The following SNX4 variants were observed in gnomAD, a reference collection of about 807,000 sequenced individuals.
The protein encoded by SNX4 is sorting nexin 4.
SNX4 carries 49 observed loss-of-function variants against 70.8 expected under a neutral mutation model. The observed-to-expected ratio is 0.69, with a 90% confidence interval of 0.55 to 0.88. SNX4 has a LOEUF of 0.88. SNX4 is among the 40% of genes least tolerant of loss of function. The pLI is 0.00. For missense variants in SNX4, 528 were observed against 544.8 expected (o/e 0.97, Z 0.31); for synonymous variants, 206 against 183.8 (o/e 1.12, Z -0.98).
At chr3:125,458,965 G>C (rs755987341) in intron 10 of SNX4, among the ~76,000 whole-genome samples, 1 of 151,978 alleles carries the variant, frequency 6.6e-6, no homozygotes, top group African/African-American at 2.4e-5. Context: ...CCTGAGGTCA[G>C]GAGTTCAAGA....
At chr3:125,464,049 A>G (rs945541256) in intron 9 of SNX4, among the ~76,000 whole-genome samples, 21 of 152,208 alleles carry the variant, frequency 1.4e-4, no homozygotes, top group African/African-American at 5.1e-4. Context: ...ATCAATTTAT[A>G]TTAAAATTTT....
At chr3:125,498,382 C>T (rs1044445913) in intron 2 of SNX4, among the ~76,000 whole-genome samples, 188 bp from the exon 3 acceptor site, 2 of 152,234 alleles carry the variant, frequency 1.3e-5, no homozygotes, top group Admixed American at 6.5e-5. Flanking sequence ...TGCAGTGGTG[C>T]AATCACCACT....
chr3:125,488,340 T>A (rs976727759), intron 6 of SNX4, among the ~76,000 whole-genome samples: 1 of 152,030 alleles, frequency 6.6e-6, no homozygotes, highest in Middle Eastern at 3.4e-3. Context: ...CTGGGCGTTG[T>A]AGGGGGTGCC....
At chr3:125,488,980 T>C (rs947261870) in intron 6 of SNX4, among the ~76,000 whole-genome samples, 1 of 152,192 alleles carries the variant, frequency 6.6e-6, no homozygotes, top group Non-Finnish European at 1.5e-5. Context: ...CTGATATTAA[T>C]AAAATCAAGT....
At position 125,447,785 on chromosome 3, in the gene SNX4, C is replaced by G; in HGVS notation, c.1347G>C (p.Lys449Asn). 6.3e-7 allele frequency: 1 copy of G among 1,591,966 alleles called. No homozygotes were observed. The highest frequency in any genetic ancestry group is 8.5e-7 in the Non-Finnish European group (1 of 1,171,024). The change falls in exon 14 of 14, where the codon AAG becomes AAC. Residue 449 changes from lysine to asparagine, a missense_variant. Lys to Asn is a moderately conservative substitution (Grantham distance 94, BLOSUM62 0). Coordinates refer to ENST00000251775, the MANE Select transcript of SNX4 (RefSeq NM_003794.4). ...VWTNAKECFS[K>N]M ...AGAAATTCAATTCACAGGATTACATCTTGCTAAAGCATTCCTTAGCATTGG... is the reference window on the plus strand; with the variant it reads ...AGAAATTCAATTCACAGGATTACATGTTGCTAAAGCATTCCTTAGCATTGG...
At chr3:125,452,458 G>A (rs1197948036) in intron 12 of SNX4, among the ~76,000 whole-genome samples, 2 of 152,044 alleles carry the variant, frequency 1.3e-5, no homozygotes, top group Admixed American at 6.6e-5. Flanking sequence ...CTTGGTAGCC[G>A]GTAGTCCCAG....
At chr3:125,459,447 T>C (rs1251641502) in intron 10 of SNX4, among the ~76,000 whole-genome samples, 1 of 152,116 alleles carries the variant, frequency 6.6e-6, no homozygotes, top group African/African-American at 2.4e-5. Context: ...TCAGCAACTT[T>C]CTTTTTTGAG....
intron 2 of SNX4, among the ~76,000 whole-genome samples, chr3:125,500,160 C>T (rs1019173752): frequency 1.3e-5 from 2 of 151,866 alleles, no homozygotes; most frequent in Non-Finnish European, 2.9e-5. Context: ...TTTCATTAGA[C>T]CCCAAAACTA....
chr3:125,519,727 G>A (rs1023884838), intron 1 of SNX4, among the ~76,000 whole-genome samples: 2 of 151,900 alleles, frequency 1.3e-5, no homozygotes, highest in Non-Finnish European at 2.9e-5. Context: ...CCCATCCGGG[G>A]CCCAGACCCC....
At chr3:125,480,774 C>T (rs1481357821) in intron 6 of SNX4, among the ~76,000 whole-genome samples, 2 of 152,144 alleles carry the variant, frequency 1.3e-5, no homozygotes, top group East Asian at 3.8e-4. Flanking sequence ...CTCCAAACAA[C>T]CAAGCTTCAC....
At chr3:125,508,409 T>C (rs898323489) in intron 1 of SNX4, among the ~76,000 whole-genome samples, 1 of 151,800 alleles carries the variant, frequency 6.6e-6, no homozygotes, top group Non-Finnish European at 1.5e-5. Context: ...CTACTAAAAA[T>C]ACACAAAATT....
intron 5 of SNX4, among the ~76,000 whole-genome samples, chr3:125,494,926 C>T (rs950910252): frequency 1.3e-5 from 2 of 152,130 alleles, no homozygotes; most frequent in African/African-American, 4.8e-5. Context: ...ACTGCTACCT[C>T]CTTTTCCGCT....
intron 2 of SNX4, among the ~76,000 whole-genome samples, chr3:125,499,644 T>C (rs1934880722): frequency 6.6e-6 from 1 of 151,682 alleles, no homozygotes; most frequent in Non-Finnish European, 1.5e-5. Flanking sequence ...TGGGTTAATC[T>C]CAAGTTTCAA....
chr3:125,446,943 A>G lies in SNX4; in HGVS notation c.*836T>C, dbSNP rs924843083. 1.3e-5 allele frequency: 2 copies of G among 152,640 alleles called. No individual in the cohort carries two copies. 9.5% of individuals were successfully genotyped at this position (152,640 alleles called of 1,614,324 possible). A position where few individuals can be genotyped will look rare whatever the true frequency, so the allele number is the denominator to read the frequency against. On this transcript the variant is annotated 3_prime_UTR_variant, in exon 14 of 14. Transcript: ENST00000251775. ...ATGTTAATGATGAAGATAGCAACAC[A>G]TATGTTTAGTACATATATCTTACAC...
intron 11 of SNX4, among the ~76,000 whole-genome samples, chr3:125,456,786 G>A (rs937543714): frequency 5.3e-5 from 8 of 152,006 alleles, no homozygotes; most frequent in African/African-American, 9.7e-5. Context: ...TCACCTTCCC[G>A]AGTAGCTGGG....
In SNX4 at chr3:125,450,617, G is replaced by C. The variant is rs944905862; in HGVS notation, c.1305+688C>G. On this transcript the variant is annotated intron_variant, in intron 13 of 13. Transcript: ENST00000251775. ...GGCAGATCTTAGGTTATAAAAAAGA[G>C]GTTAAGGAATGTTTCCTATTTTGTT... Among the ~76,000 whole-genome samples the C allele has an allele frequency of 2.0e-5, 3 of 152,148 alleles. No homozygotes were observed. The East Asian group carries it at 5.8e-4, about 29-fold the overall frequency.
chr3:125,494,091 T>C (rs1934727575), intron 5 of SNX4, among the ~76,000 whole-genome samples: 1 of 150,922 alleles, frequency 6.6e-6, no homozygotes, highest in Non-Finnish European at 1.5e-5. Flanking sequence ...AGACAAAATA[T>C]GTCTGAGAAA....
chr3:125,500,799 CAAAAAAAAAAAA>C (rs770336677), intron 2 of SNX4, among the ~76,000 whole-genome samples: 3 of 29,318 alleles, frequency 1.0e-4, no homozygotes, highest in South Asian at 4.1e-3. Context: ...GACTCCGTCT[CAAAAAAAAAAAA>C]AAAAAAAAAA....
chr3:125,494,659 T>C (rs753550922), intron 5 of SNX4, among the ~76,000 whole-genome samples: 1 of 152,216 alleles, frequency 6.6e-6, no homozygotes, highest in African/African-American at 2.4e-5. Flanking sequence ...TTTAGGCTAA[T>C]GGGATGTACG....
Sources: gnomAD v4.1 joint callset for allele counts (sites outside exome capture counted in the v4.1 genomes callset) on GRCh38, gnomAD v4.1.1 for gene constraint, MANE v1.5 for transcripts, NCBI Gene and HGNC (gene_info 2026-07-23, HGNC 2026-07-21) for gene names.